The following RAPGEF1 variants were observed in gnomAD, a reference collection of about 807,000 sequenced individuals.
RAPGEF1 encodes the protein Rap guanine nucleotide exchange factor 1, also known as CRK SH3-binding GNRP.
RAPGEF1 carries 33 observed loss-of-function variants against 143.3 expected under a neutral mutation model. The ratio of observed to expected loss-of-function variants is 0.23; its 90% CI spans 0.17 to 0.31. RAPGEF1 has a LOEUF of 0.31. RAPGEF1 is among the 10% of genes least tolerant of loss of function. RAPGEF1 has a pLI of 1.00. For missense variants in RAPGEF1, 1,199 were observed against 1,645.4 expected, an observed-to-expected ratio of 0.73 and a Z score of 4.69; for synonymous variants, 629 against 676.5, an observed-to-expected ratio of 0.93 and a Z score of 1.09.
In RAPGEF1 at chr9:131,631,358, C is replaced by T. The variant is rs1403047986; in HGVS notation, c.652-1034G>A. Among the ~76,000 whole-genome samples, 7 of 152,238 alleles carry T rather than the reference C, an allele frequency of 4.6e-5. No homozygotes were observed. The East Asian group carries it at 1.3e-3, about 29-fold the overall frequency. ...CCCCTCGACCCCCAGCCCCTGGCAG[C>T]TGCCAATCCATTTCCTGTCCGCACA... On this transcript the variant is annotated intron_variant, in intron 5 of 26. Transcript: ENST00000683357.
At chr9:131,627,615 T>C (rs1257493682) in intron 9 of RAPGEF1, among the ~76,000 whole-genome samples, 1 of 152,166 alleles carries the variant, frequency 6.6e-6, no homozygotes, top group African/African-American at 2.4e-5. Flanking sequence ...TCAACACAAA[T>C]GGCTCTTAAT....
intron 1 of RAPGEF1, among the ~76,000 whole-genome samples, chr9:131,672,534 C>T (rs150228242): frequency 6.6e-6 from 1 of 152,176 alleles, no homozygotes; most frequent in Admixed American, 6.5e-5. Flanking sequence ...CCCTGCAGTG[C>T]TGGAGTGTGA....
At chr9:131,627,213 CAAAAAAAA>C (rs10690802) in intron 9 of RAPGEF1, among the ~76,000 whole-genome samples, 39 of 97,402 alleles carry the variant, frequency 4.0e-4, no homozygotes, top group African/African-American at 1.8e-3. Flanking sequence ...GGCTCTGTCT[CAAAAAAAA>C]AAAAAAAAAA....
chr9:131,648,548 T>G (rs888881772), intron 3 of RAPGEF1, among the ~76,000 whole-genome samples: 2 of 152,242 alleles, frequency 1.3e-5, no homozygotes, highest in East Asian at 3.8e-4. Context: ...TAGTGTTGGA[T>G]GACAATTACA....
intron 1 of RAPGEF1, among the ~76,000 whole-genome samples, chr9:131,730,713 A>G (rs1207015234): frequency 3.5e-5 from 5 of 143,506 alleles, no homozygotes; most frequent in African/African-American, 1.3e-4. Flanking sequence ...AAAAAAAAAA[A>G]AAAAAGAAGA....
At chr9:131,603,382 C>T (rs781449469) in intron 14 of RAPGEF1, among the ~76,000 whole-genome samples, 26 of 152,320 alleles carry the variant, frequency 1.7e-4, no homozygotes, top group Admixed American at 3.3e-4. Flanking sequence ...TGCTGTACCG[C>T]GATGGTCGGG....
At chr9:131,610,821 T>A (rs1564519512) in intron 12 of RAPGEF1, among the ~76,000 whole-genome samples, 1 of 152,192 alleles carries the variant, frequency 6.6e-6, no homozygotes, top group African/African-American at 2.4e-5. Context: ...GACACCCACG[T>A]GATTGTCTGG....
At chr9:131,631,118 C>A (rs564037893) in intron 5 of RAPGEF1, among the ~76,000 whole-genome samples, 1 of 152,200 alleles carries the variant, frequency 6.6e-6, no homozygotes, top group South Asian at 2.1e-4. Flanking sequence ...TTTTGCCTGT[C>A]CTAGAACTTG....
At chr9:131,625,161 T>A (rs901759932) in intron 10 of RAPGEF1, among the ~76,000 whole-genome samples, 9 of 152,184 alleles carry the variant, frequency 5.9e-5, no homozygotes, top group Non-Finnish European at 1.2e-4. Flanking sequence ...CCACACACAT[T>A]GAAACGGTGA....
chr9:131,578,603 G>A lies in RAPGEF1; in HGVS notation c.*894C>T, dbSNP rs1028092109. On this transcript the variant is annotated 3_prime_UTR_variant, in exon 27 of 27. Coordinates refer to ENST00000683357, the MANE Select transcript of RAPGEF1 (RefSeq NM_001377935.1). ...ACACAGCGAGCGATGGAGGAGGGAG[G>A]TGCTGGCCTCTCCCCTCTGAATTAA... The A allele has an allele frequency of 2.6e-5, 4 of 152,378 alleles. No homozygotes were observed. The highest frequency in any genetic ancestry group is 9.6e-5 in the African/African-American group (4 of 41,452). The allele number at this position is 152,378 out of a possible 1,614,324, so 9.4% of individuals were successfully genotyped here.
intron 1 of RAPGEF1, among the ~76,000 whole-genome samples, chr9:131,714,375 G>A (rs542239800): frequency 5.3e-5 from 8 of 151,352 alleles, no homozygotes; most frequent in Non-Finnish European, 8.8e-5. Flanking sequence ...GGAAGGGCTC[G>A]TGGATCCCTG....
In RAPGEF1 at chr9:131,621,219, G is replaced by A. The variant is rs1960884718; in HGVS notation, c.1905+577C>T. ...GGCCCGTGCTTCCTTACATGCACAG[G>A]AGTCCTTAGCACACGAGTGTTTTCT... On this transcript the variant is annotated intron_variant, in intron 11 of 26. Transcript: ENST00000683357. This position sits in a 1 kb window ranked among gnomAD's most constrained non-coding sequence, Gnocchi z 4.5. Among the ~76,000 whole-genome samples the A allele has an allele frequency of 6.6e-6, 1 of 152,246 alleles. No homozygotes were observed. The highest frequency in any genetic ancestry group is 2.1e-4 in the South Asian group (1 of 4,834).
At chr9:131,729,365 A>T (rs1836875131) in intron 1 of RAPGEF1, among the ~76,000 whole-genome samples, 1 of 152,058 alleles carries the variant, frequency 6.6e-6, no homozygotes, top group Admixed American at 6.6e-5. Context: ...GGTGGGTGGA[A>T]CTACTTTAAC....
At position 131,584,371 on chromosome 9, in the gene RAPGEF1, G is replaced by T; in HGVS notation, c.3354C>A (p.Ile1118=). Residue 1118 remains isoleucine (I), a synonymous_variant, in exon 24 of 27, where the codon ATC becomes ATA. Transcript: ENST00000683357. This position sits in a 1 kb window ranked among gnomAD's most constrained non-coding sequence, Gnocchi z 6.8. ...KLNNFNSYLA[I]LSALDSAPIR... ...TGGGCGCCGAGTCCAGGGCAGAGAG[G>T]ATGGCCAAGTAGGAGTTGAAGTTAT... is the stretch of plus-strand genomic sequence containing the variant. 1 of 1,613,908 alleles carries T rather than the reference G, an allele frequency of 6.2e-7. No homozygotes were observed. The highest frequency in any genetic ancestry group is 8.5e-7 in the Non-Finnish European group (1 of 1,179,832).
At chr9:131,608,865 C>T (rs561339669) in intron 12 of RAPGEF1, among the ~76,000 whole-genome samples, 5 of 152,316 alleles carry the variant, frequency 3.3e-5, no homozygotes, top group Admixed American at 1.3e-4. Flanking sequence ...CTTATGATCA[C>T]GCTTACCCAC....
At chr9:131,706,503 C>CAAGT (rs1554730139) in intron 1 of RAPGEF1, among the ~76,000 whole-genome samples, 1 of 152,148 alleles carries the variant, frequency 6.6e-6, no homozygotes, top group Non-Finnish European at 1.5e-5. Context: ...CTCCTGAACT[C>CAAGT]AAGTGATCCG....
intron 5 of RAPGEF1, among the ~76,000 whole-genome samples, chr9:131,632,721 A>C (rs1346471299): frequency 6.6e-6 from 1 of 152,230 alleles, no homozygotes; most frequent in Non-Finnish European, 1.5e-5. Flanking sequence ...GAGTGGAAAA[A>C]CAGTTCTAGG....
chr9:131,672,040 C>T (rs1218888711), intron 1 of RAPGEF1, among the ~76,000 whole-genome samples: 1 of 152,144 alleles, frequency 6.6e-6, no homozygotes, highest in Non-Finnish European at 1.5e-5. Context: ...CCAATAGGTG[C>T]TGCTGTAGGT....
rs1970678106 is a variant in RAPGEF1, at chr9:131,650,001, A to T, written c.315+128T>A. ...CCCTGGACTCTTTCCTGAACAATTCAGCCCACGGTCACCACCCAGTTGAAC... is the reference window on the plus strand; with the variant it reads ...CCCTGGACTCTTTCCTGAACAATTCTGCCCACGGTCACCACCCAGTTGAAC... On this transcript the variant is annotated intron_variant, in intron 3 of 26. Coordinates refer to ENST00000683357, the MANE Select transcript of RAPGEF1 (RefSeq NM_001377935.1). This position sits in a 1 kb window ranked among gnomAD's most constrained non-coding sequence, Gnocchi z 4.7. The T allele has an allele frequency of 1.4e-6, 1 of 699,016 alleles. No homozygotes were observed. The highest frequency in any genetic ancestry group is 2.1e-5 in the South Asian group (1 of 47,186). 43.3% of individuals were successfully genotyped at this position (699,016 alleles called of 1,614,324 possible). A position where few individuals can be genotyped will look rare whatever the true frequency, so the allele number is the denominator to read the frequency against.
Sources: allele counts gnomAD v4.1 joint callset (sites outside exome capture counted in the v4.1 genomes callset), GRCh38; gene constraint gnomAD v4.1.1; non-coding constraint Gnocchi (gnomAD v3.1); transcripts MANE v1.5; gene names NCBI Gene and HGNC (gene_info 2026-07-23, HGNC 2026-07-21).